Variants in RASA1 observed in about 807,000 individuals in gnomAD.
RASA1 encodes the protein ras GTPase-activating protein 1.
A neutral mutation model predicts 132.2 loss-of-function variants in RASA1; 25 were observed. The ratio of observed to expected loss-of-function variants is 0.19; its 90% CI spans 0.14 to 0.26. RASA1 has a LOEUF of 0.26. Ranked by LOEUF, RASA1 falls within the 10% of genes least tolerant of loss-of-function variation. The probability of loss-of-function intolerance (pLI) is 1.00; values close to 1 mark genes in which losing one functional copy is unlikely to be tolerated. For missense variants in RASA1, 964 were observed against 1,299.2 expected (o/e 0.74, Z 3.97); for synonymous variants, 477 against 449.9 (o/e 1.06, Z -0.76).
At chr5:87,302,782 C>G (rs1755431822) in intron 1 of RASA1, among the ~76,000 whole-genome samples, 1 of 151,346 alleles carries the variant, frequency 6.6e-6, no homozygotes, top group South Asian at 2.1e-4. Flanking sequence ...CCCGAATAAA[C>G]AGAATTCTAA....
At chr5:87,280,723 G>A (rs998345582) in intron 1 of RASA1, among the ~76,000 whole-genome samples, 1 of 151,866 alleles carries the variant, frequency 6.6e-6, no homozygotes, top group Non-Finnish European at 1.5e-5. Flanking sequence ...GTTTCAAGAG[G>A]TTCAACCCAT....
At chr5:87,362,851 AT>A (rs1263912805) in intron 10 of RASA1, among the ~76,000 whole-genome samples, 180 bp downstream of exon 10, 1 of 150,752 alleles carries the variant, frequency 6.6e-6, no homozygotes, top group Admixed American at 6.6e-5. Flanking sequence ...AAAAGTCTAC[AT>A]TTTCAACCAG....
intron 11 of RASA1, among the ~76,000 whole-genome samples, chr5:87,365,979 T>C (rs1334258858): frequency 6.6e-6 from 1 of 152,120 alleles, no homozygotes; most frequent in African/African-American, 2.4e-5. Flanking sequence ...TTTTCAGTTT[T>C]AGGTGAGAAA....
At chr5:87,385,658 A>G (rs759495218) in intron 22 of RASA1, among the ~76,000 whole-genome samples, 2 of 152,114 alleles carry the variant, frequency 1.3e-5, no homozygotes, top group Non-Finnish European at 2.9e-5. Flanking sequence ...ATAATCAATG[A>G]GTACATTTTA....
intron 10 of RASA1, 99 bp downstream of exon 10, chr5:87,362,770 G>C (rs986832460): frequency 7.2e-7 from 1 of 1,389,316 alleles, no homozygotes. Flanking sequence ...TTTGACATGA[G>C]TTATTAGTAA....
chr5:87,338,535 AATTT>A (rs1758179437), intron 5 of RASA1, among the ~76,000 whole-genome samples: 1 of 95,886 alleles, frequency 1.0e-5, no homozygotes, highest in Admixed American at 1.1e-4. Flanking sequence ...ATATATATAA[AATTT>A]TTTTTTTTTT....
At chr5:87,334,570 C>T (rs139468931) in intron 4 of RASA1, among the ~76,000 whole-genome samples, 2,267 of 152,314 alleles carry the variant, frequency 0.015, 31 homozygotes, top group African/African-American at 0.023. Context: ...TAAGACATAA[C>T]TTGCCTTTTT....
At position 87,338,910 on chromosome 5, in the gene RASA1, C is replaced by T. The variant is rs182785875; in HGVS notation, c.1017+819C>T. On this transcript the variant is annotated intron_variant, in intron 5 of 24. Transcript: ENST00000274376. The stretch of plus-strand genomic sequence containing the variant: ...TTGTTTTTGTTTCCATCATATAATA[C>T]GTTATCATGGTATCAATTACCAGGT... Among the ~76,000 whole-genome samples the T allele has an allele frequency of 2.5e-3, 378 of 152,098 alleles. 1 individual carries two copies. Among genetic ancestry groups the T allele is most frequent in the African/African-American group, 8.6e-3 (356 of 41,478 alleles).
chr5:87,278,328 C>T (rs1754156455), intron 1 of RASA1, among the ~76,000 whole-genome samples: 1 of 151,160 alleles, frequency 6.6e-6, no homozygotes, highest in Non-Finnish European at 1.5e-5. Context: ...GGGTGGATCA[C>T]AGGGTCAGGA....
chr5:87,323,753 T>C (rs754583191), intron 1 of RASA1, among the ~76,000 whole-genome samples: 6 of 152,132 alleles, frequency 3.9e-5, no homozygotes, highest in Non-Finnish European at 8.8e-5. Context: ...CCACTGCCTG[T>C]TATATTTTTC....
At chr5:87,299,121 A>T (rs1280045146) in intron 1 of RASA1, among the ~76,000 whole-genome samples, 2 of 152,238 alleles carry the variant, frequency 1.3e-5, no homozygotes, top group Non-Finnish European at 2.9e-5. Flanking sequence ...TTGCAACCTT[A>T]GACATAAATA....
chr5:87,390,049 A>G (rs1263930505), intron 24 of RASA1, among the ~76,000 whole-genome samples: 1 of 152,224 alleles, frequency 6.6e-6, no homozygotes, highest in African/African-American at 2.4e-5. Flanking sequence ...ACCATGGCCT[A>G]CACTTTGAGA....
intron 14 of RASA1, 114 bp from the exon 15 acceptor site, chr5:87,374,726 A>G: frequency 1.4e-6 from 2 of 1,426,786 alleles, no homozygotes; most frequent in Non-Finnish European, 1.9e-6. Context: ...GGTCTAGCAC[A>G]CTGTTTTTTT....
At chr5:87,385,279 G>C in intron 21 of RASA1, 22 bp from the exon 22 acceptor site, 2 of 1,505,550 alleles carry the variant, frequency 1.3e-6, no homozygotes, top group Non-Finnish European at 1.8e-6. Context: ...GGTGTCATTA[G>C]CTGTGCCCAA....
At chr5:87,335,863 A>G (rs1757939541) in intron 4 of RASA1, among the ~76,000 whole-genome samples, 1 of 152,232 alleles carries the variant, frequency 6.6e-6, no homozygotes, top group African/African-American at 2.4e-5. Flanking sequence ...TTAAAGTGCA[A>G]GATAGACCAA....
intron 1 of RASA1, among the ~76,000 whole-genome samples, chr5:87,310,910 T>C (rs1485442421): frequency 6.6e-6 from 1 of 152,212 alleles, no homozygotes; most frequent in Non-Finnish European, 1.5e-5. Context: ...AATTGTTGTA[T>C]TCTTTGCTGC....
At chr5:87,386,725 T>C in intron 22 of RASA1, 101 bp from the exon 23 acceptor site, 3 of 948,752 alleles carry the variant, frequency 3.2e-6, no homozygotes, top group Non-Finnish European at 5.2e-6. Context: ...GCAATAGTAA[T>C]TGCAGTTTTT....
intron 1 of RASA1, among the ~76,000 whole-genome samples, chr5:87,281,089 G>T (rs1338094650): frequency 1.3e-5 from 2 of 151,794 alleles, no homozygotes; most frequent in African/African-American, 4.8e-5. Flanking sequence ...TTTCATTTTG[G>T]GTATATACCC....
At chr5:87,369,278 G>A (rs115702536) in intron 11 of RASA1, among the ~76,000 whole-genome samples, 1,779 of 152,164 alleles carry the variant, frequency 0.012, 19 homozygotes, top group Non-Finnish European at 0.019. Context: ...AATACTAAAG[G>A]AAGACAAGAA....
Sources: gnomAD v4.1 joint callset for allele counts (sites outside exome capture counted in the v4.1 genomes callset) on GRCh38, gnomAD v4.1.1 for gene constraint, MANE v1.5 for transcripts, NCBI Gene and HGNC (gene_info 2026-07-23, HGNC 2026-07-21) for gene names.